The following SDK2 variants were observed in gnomAD, a reference collection of about 807,000 sequenced individuals.
SDK2 encodes sidekick cell adhesion molecule 2.
Under a neutral mutation model 253.9 loss-of-function variants are expected in SDK2, and 105 were observed. That is an observed-to-expected ratio of 0.41 (90% CI 0.35 to 0.49). The LOEUF is 0.49. Ranked by LOEUF, SDK2 falls within the 20% of genes least tolerant of loss-of-function variation. SDK2 has a pLI of 0.06. For missense variants in SDK2, 2,608 were observed against 3,003.0 expected (o/e 0.87, Z 3.07); for synonymous variants, 1,249 against 1,234.9 (o/e 1.01, Z -0.24).
intron 1 of SDK2, among the ~76,000 whole-genome samples, chr17:73,528,649 C>T (rs1032085981): frequency 2.0e-5 from 3 of 152,168 alleles, no homozygotes; most frequent in Non-Finnish European, 4.4e-5. Context: ...TCCCCTAAGC[C>T]AGGGGCTGAG....
Position 73,439,184 on chromosome 17 carries a change from G to A in SDK2, c.726-1030C>T, listed in dbSNP as rs79108936. On this transcript the variant is annotated intron_variant, in intron 6 of 44. Transcript: ENST00000392650. The stretch of plus-strand genomic sequence containing the variant: ...TGTTCCCTCTCTTGCCATAAGACAC[G>A]CTGGCTCCCCTTTCTCCTTCTGCCA... Among the ~76,000 whole-genome samples, 317 of 152,200 alleles carry A rather than the reference G, an allele frequency of 2.1e-3. 1 individual carries two copies. The highest frequency in any genetic ancestry group is 7.4e-3 in the African/African-American group (306 of 41,512).
chr17:73,596,536 G>A (rs773630217), intron 1 of SDK2, among the ~76,000 whole-genome samples: 3 of 152,106 alleles, frequency 2.0e-5, no homozygotes, highest in Non-Finnish European at 4.4e-5. Context: ...TGGCCTCCCT[G>A]TCCCAGCGTC....
intron 29 of SDK2, among the ~76,000 whole-genome samples, chr17:73,388,917 T>C (rs1198632983): frequency 1.7e-5 from 1 of 57,184 alleles, no homozygotes; most frequent in Non-Finnish European, 3.2e-5. Flanking sequence ...TCCCTCCCTT[T>C]TTCCCCCCTT....
At chr17:73,633,388 G>A (rs1208914872) in intron 1 of SDK2, among the ~76,000 whole-genome samples, 1 of 152,226 alleles carries the variant, frequency 6.6e-6, no homozygotes, top group Non-Finnish European at 1.5e-5. Flanking sequence ...CAGGGCATGT[G>A]TCCACCCTCC....
chr17:73,349,480 G>A (rs1463862237), intron 43 of SDK2, among the ~76,000 whole-genome samples: 1 of 152,208 alleles, frequency 6.6e-6, no homozygotes, highest in African/African-American at 2.4e-5. Flanking sequence ...GAGCTCAGGG[G>A]AACAGAAAAC....
At chr17:73,550,654 G>T (rs2045040732) in intron 1 of SDK2, among the ~76,000 whole-genome samples, 1 of 152,212 alleles carries the variant, frequency 6.6e-6, no homozygotes, top group Non-Finnish European at 1.5e-5. Flanking sequence ...GGCTGGCATG[G>T]AGTCAGAGTC....
At chr17:73,590,159 C>T (rs961206756) in intron 1 of SDK2, among the ~76,000 whole-genome samples, 1 of 152,170 alleles carries the variant, frequency 6.6e-6, no homozygotes, top group African/African-American at 2.4e-5. Flanking sequence ...AGGCAATTGA[C>T]GAAAGAAGAC....
intron 1 of SDK2, among the ~76,000 whole-genome samples, chr17:73,545,225 A>G (rs1211181437): frequency 1.3e-5 from 2 of 151,804 alleles, no homozygotes; most frequent in Non-Finnish European, 2.9e-5. Flanking sequence ...TAGGGAGTGA[A>G]CTGCAGGGAG....
In SDK2 at chr17:73,395,283, C is replaced by A; in HGVS notation, c.3464G>T (p.Arg1155Leu). 3.1e-6 allele frequency: 5 copies of A among 1,613,972 alleles called. No individual in the cohort carries two copies. Among genetic ancestry groups the A allele is most frequent in the Non-Finnish European group, 4.2e-6 (5 of 1,179,868 alleles). The stretch of plus-strand genomic sequence containing the variant: ...CTCGATGGTGTAGTCCCGCTCCACA[C>A]GGTCCTGCACCACGTGGCTCAGCGT... ...GKTLSHVVQDRVERDYTIEDL... is the reference protein window; with the variant it reads ...GKTLSHVVQDLVERDYTIEDL... The change falls in exon 25 of 45, where the codon CGT becomes CTT. Residue 1155 changes from arginine (R) to leucine (L), a missense_variant. This residue lies in a region of SDK2 where 1,505 missense variants were observed against 1,859.1 expected (regional missense o/e 0.81). Transcript: ENST00000392650. The surrounding 1 kb of genome is among the most constrained non-coding windows in gnomAD (Gnocchi z 4.3).
At chr17:73,548,354 G>C (rs1342544941) in intron 1 of SDK2, among the ~76,000 whole-genome samples, 1 of 152,204 alleles carries the variant, frequency 6.6e-6, no homozygotes, top group Non-Finnish European at 1.5e-5. Context: ...GGTGCGACCT[G>C]TGCCTCCAGA....
chr17:73,487,748 G>A (rs1009822474), intron 2 of SDK2, among the ~76,000 whole-genome samples: 2 of 152,216 alleles, frequency 1.3e-5, no homozygotes, highest in African/African-American at 2.4e-5. Flanking sequence ...GGCTTCAAAT[G>A]GGAAACGGGT....
At chr17:73,345,998 G>A (rs2062479849) in intron 44 of SDK2, among the ~76,000 whole-genome samples, 1 of 152,104 alleles carries the variant, frequency 6.6e-6, no homozygotes, top group African/African-American at 2.4e-5. Context: ...CTTGAGGTCA[G>A]GAGTTCTAGA....
At position 73,335,836 on chromosome 17, in the gene SDK2, A is replaced by G. The variant is rs2062373313; in HGVS notation, c.*2751T>C. 2 of 152,286 alleles carry G rather than the reference A, an allele frequency of 1.3e-5. No individual in the cohort carries two copies. Among genetic ancestry groups the G allele is most frequent in the African/African-American group, 2.4e-5 (1 of 41,460 alleles). 9.4% of individuals were successfully genotyped at this position (152,286 alleles called of 1,614,324 possible). On this transcript the variant is annotated 3_prime_UTR_variant, in exon 45 of 45. Coordinates refer to ENST00000392650, the MANE Select transcript of SDK2 (RefSeq NM_001144952.2). ...GGAGTTCAGGAGTCTCTTTGCTAAC[A>G]CACATACAGATGTGTGTTCTGTGCA... is the stretch of plus-strand genomic sequence containing the variant.
chr17:73,624,167 T>C (rs972321766), intron 1 of SDK2, among the ~76,000 whole-genome samples: 1 of 152,224 alleles, frequency 6.6e-6, no homozygotes. Context: ...AGCTTCTCCA[T>C]ACATACTCCA....
In SDK2 at chr17:73,390,500, T is replaced by C. The variant is rs113193365; in HGVS notation, c.3998-19A>G. On this transcript the variant is annotated intron_variant, in intron 28 of 44. Coordinates refer to ENST00000392650, the MANE Select transcript of SDK2 (RefSeq NM_001144952.2). ...TGGTAAGCTGTGGGAAGGAAGCACATGGCTATTATGGCAAGCAAGGCAAGC... is the reference window on the plus strand; with the variant it reads ...TGGTAAGCTGTGGGAAGGAAGCACACGGCTATTATGGCAAGCAAGGCAAGC... 2 of 1,595,474 alleles carry C rather than the reference T, an allele frequency of 1.3e-6. No homozygotes were observed. Among genetic ancestry groups the C allele is most frequent in the Non-Finnish European group, 8.6e-7 (1 of 1,168,502 alleles).
intron 1 of SDK2, among the ~76,000 whole-genome samples, chr17:73,610,828 G>GGTGTGTGC (rs1225458608): frequency 1.3e-5 from 2 of 151,972 alleles, no homozygotes; most frequent in Non-Finnish European, 2.9e-5. Context: ...GTGTATGTGT[G>GGTGTGTGC]GTGTGCGTGT....
At chr17:73,617,588 G>C (rs2046077616) in intron 1 of SDK2, among the ~76,000 whole-genome samples, 1 of 152,116 alleles carries the variant, frequency 6.6e-6, no homozygotes, top group African/African-American at 2.4e-5. Context: ...GGCTCCAGGG[G>C]AGCTTACGAA....
At position 73,481,004 on chromosome 17, in the gene SDK2, T is replaced by A. The variant is rs1334631902; in HGVS notation, c.225-8786A>T. On this transcript the variant is annotated intron_variant, in intron 2 of 44. Transcript: ENST00000392650. The surrounding 1 kb of genome is among the most constrained non-coding windows in gnomAD (Gnocchi z 4.5). Reference sequence around the variant, plus strand: ...CAGGCACAGCCTGTTCTGTGGATGGTACTTGGGGAAGGATGCTGTGCTCCT... The same window carrying A: ...CAGGCACAGCCTGTTCTGTGGATGGAACTTGGGGAAGGATGCTGTGCTCCT... Among the ~76,000 whole-genome samples, 1 of 152,172 alleles carries A rather than the reference T, an allele frequency of 6.6e-6. No homozygotes were observed. The highest frequency in any genetic ancestry group is 1.5e-5 in the Non-Finnish European group (1 of 68,024).
At chr17:73,409,709 C>G (rs146347665) in intron 18 of SDK2, among the ~76,000 whole-genome samples, 73 of 152,134 alleles carry the variant, frequency 4.8e-4, no homozygotes, top group African/African-American at 1.8e-3. Flanking sequence ...ACAAACACTG[C>G]TTTTTTCTCC....
Sources: gnomAD v4.1 joint callset for allele counts (sites outside exome capture counted in the v4.1 genomes callset) on GRCh38, gnomAD v4.1.1 for gene constraint, gnomAD v4.1.1 regional missense constraint, Gnocchi (gnomAD v3.1) non-coding constraint, MANE v1.5 for transcripts, NCBI Gene and HGNC (gene_info 2026-07-23, HGNC 2026-07-21) for gene names.